Variants in SBF2 observed in about 807,000 individuals in gnomAD.
The protein encoded by SBF2 is SET binding factor 2.
SBF2 carries 112 observed loss-of-function variants against 225.2 expected under a neutral mutation model. The ratio of observed to expected loss-of-function variants is 0.50; its 90% CI spans 0.43 to 0.58. The LOEUF (loss-of-function observed/expected upper bound fraction) is 0.58, where lower values mean the gene tolerates loss of function less well. SBF2 is among the 20% of genes least tolerant of loss of function. SBF2 has a pLI of 0.00. For synonymous variants in SBF2, 763 were observed against 773.3 expected (o/e 0.99, Z 0.22); for missense variants, 1,996 against 2,206.2 (o/e 0.90, Z 1.91).
At chr11:10,235,527 CAA>C (rs797015174) in intron 1 of SBF2, among the ~76,000 whole-genome samples, 15 of 80,550 alleles carry the variant, frequency 1.9e-4, no homozygotes, top group Non-Finnish European at 1.8e-4. Context: ...GACTCCATCT[CAA>C]AAAAAAAAAA....
intron 16 of SBF2, among the ~76,000 whole-genome samples, chr11:9,918,372 A>G (rs1415217620): frequency 6.6e-6 from 1 of 151,288 alleles, no homozygotes; most frequent in East Asian, 1.9e-4. Flanking sequence ...CTTTTTTTTG[A>G]GACAGGGTCT....
At chr11:9,798,876 T>C (rs943284055) in intron 32 of SBF2, among the ~76,000 whole-genome samples, 6 of 144,608 alleles carry the variant, frequency 4.1e-5, no homozygotes, top group African/African-American at 1.3e-4. Flanking sequence ...GGCATGAAAC[T>C]GGGAGGCGGA....
intron 9 of SBF2, among the ~76,000 whole-genome samples, chr11:9,997,926 C>T (rs1210931630): frequency 2.0e-5 from 3 of 152,124 alleles, no homozygotes; most frequent in Admixed American, 1.3e-4. Context: ...AGAAGAGAAG[C>T]CAACATCTAA....
At chr11:9,992,605 C>T in intron 11 of SBF2, 62 bp from the exon 12 acceptor site, 1 of 1,496,434 alleles carries the variant, frequency 6.7e-7, no homozygotes, top group Non-Finnish European at 9.1e-7. Flanking sequence ...ATGGTCAAAA[C>T]AGAAATACAA....
intron 1 of SBF2, among the ~76,000 whole-genome samples, chr11:10,300,470 A>C (rs931879373): frequency 6.6e-6 from 1 of 151,994 alleles, no homozygotes; most frequent in Non-Finnish European, 1.5e-5. Context: ...GTTCAAGACC[A>C]GCGTGGGCAA....
intron 38 of SBF2, 36 bp from the exon 39 acceptor site, chr11:9,781,674 CAGAA>C (rs1564846823): frequency 1.2e-6 from 2 of 1,613,674 alleles, no homozygotes; most frequent in African/African-American, 1.3e-5. Context: ...ATATAAGAGA[CAGAA>C]AGAGAAAATG....
intron 1 of SBF2, among the ~76,000 whole-genome samples, chr11:10,280,866 G>C (rs1440527285): frequency 1.3e-5 from 2 of 152,108 alleles, no homozygotes; most frequent in Non-Finnish European, 2.9e-5. Context: ...AGCCTTCACT[G>C]GTTTCTCCTT....
chr11:10,283,502 C>T (rs186156350), intron 1 of SBF2, among the ~76,000 whole-genome samples: 258 of 151,644 alleles, frequency 1.7e-3, no homozygotes, highest in African/African-American at 6.0e-3. Context: ...GTCGAATGTT[C>T]TCTAACATAC....
chr11:10,074,037 G>A (rs1206773194), intron 2 of SBF2, among the ~76,000 whole-genome samples: 1 of 152,142 alleles, frequency 6.6e-6, no homozygotes, highest in African/African-American at 2.4e-5. Flanking sequence ...AAAATAAATG[G>A]ATGTAGACAA....
intron 17 of SBF2, among the ~76,000 whole-genome samples, chr11:9,862,180 C>G (rs537803716): frequency 6.6e-6 from 1 of 152,304 alleles, no homozygotes; most frequent in South Asian, 2.1e-4. Flanking sequence ...AAATATTATT[C>G]TTTTTCTAGA....
At chr11:9,808,227 G>A in intron 31 of SBF2, 42 bp from the exon 32 acceptor site, 1 of 1,543,244 alleles carries the variant, frequency 6.5e-7, no homozygotes, top group Non-Finnish European at 8.9e-7. Flanking sequence ...TTTTAGTTCT[G>A]AAAAAGGCCT....
chr11:9,989,551 G>C lies in SBF2; in HGVS notation c.1341C>G (p.Asn447Lys), dbSNP rs764407015. ...TGACATGCTTTATCATCTTCACTGG[G>C]TTATTTTCTTCAACTTTAATTCTCT... is the stretch of plus-strand genomic sequence containing the variant. The part of the protein sequence containing the change: ...EVERIKVEEN[N>K]PVKMIKHVRE... Residue 447 changes from asparagine to lysine, a missense_variant, in exon 13 of 40, where the codon AAC becomes AAG. Asn to Lys is a moderately conservative substitution (Grantham distance 94). Coordinates refer to ENST00000256190, the MANE Select transcript of SBF2 (RefSeq NM_030962.4). 3 of 1,610,784 alleles carry C rather than the reference G, an allele frequency of 1.9e-6. No individual in the cohort carries two copies. The highest frequency in any genetic ancestry group is 2.5e-6 in the Non-Finnish European group (3 of 1,177,596).
In SBF2 at chr11:10,237,560, T is replaced by C. The variant is rs191207159; in HGVS notation, c.56-43573A>G. Among the ~76,000 whole-genome samples the C allele has an allele frequency of 2.6e-5, 4 of 152,374 alleles. No homozygotes were observed. In the East Asian group the frequency reaches 7.7e-4, roughly 29 times the overall value. On this transcript the variant is annotated intron_variant, in intron 1 of 39. Coordinates refer to ENST00000256190, the MANE Select transcript of SBF2 (RefSeq NM_030962.4). ...TTACTAATACCCCTATCTTGTCTTT[T>C]ACTTCTTTGAAAATATTGAGCAGGA...
rs768023953 is a variant in SBF2, at chr11:10,031,029, A to G, written c.402+19T>C. ...CACACAATAATACAAATTAATAATG[A>G]TAACTATGTGTTCTTTACCCTAAAA... On this transcript the variant is annotated intron_variant, in intron 4 of 39. Transcript: ENST00000256190. 1.3e-6 allele frequency: 2 copies of G among 1,597,774 alleles called. No homozygotes were observed. Among genetic ancestry groups the G allele is most frequent in the South Asian group, 2.2e-5 (2 of 90,522 alleles).
intron 28 of SBF2, among the ~76,000 whole-genome samples, chr11:9,817,399 T>C (rs1239973368): frequency 1.3e-5 from 2 of 152,202 alleles, no homozygotes; most frequent in African/African-American, 4.8e-5. Context: ...TGCTGAGTTA[T>C]GCAATTTCTC....
chr11:9,943,475 T>A (rs1202491105), intron 16 of SBF2, among the ~76,000 whole-genome samples: 3 of 151,948 alleles, frequency 2.0e-5, no homozygotes, highest in Admixed American at 6.6e-5. Context: ...CAGCTGCATG[T>A]ATAAGTATCA....
intron 13 of SBF2, among the ~76,000 whole-genome samples, chr11:9,978,241 T>C (rs897133524): frequency 1.3e-5 from 2 of 152,224 alleles, no homozygotes; most frequent in African/African-American, 4.8e-5. Flanking sequence ...TTTAACTTTA[T>C]AAAGTATTTA....
intron 17 of SBF2, among the ~76,000 whole-genome samples, chr11:9,865,664 C>A (rs1426783996): frequency 8.5e-6 from 1 of 118,278 alleles, no homozygotes; most frequent in Admixed American, 1.2e-4. Flanking sequence ...GCACTCCAGC[C>A]TGGATGACAG....
In SBF2 at chr11:9,832,495, G is replaced by C. The variant is rs544580419; in HGVS notation, c.3456-75C>G. 108 of 1,003,124 alleles carry C rather than the reference G, an allele frequency of 1.1e-4. 1 individual carries two copies. Among genetic ancestry groups the C allele is most frequent in the South Asian group, 1.1e-3 (82 of 76,472 alleles). The allele number at this position is 1,003,124 out of a possible 1,614,324, so 62.1% of individuals were successfully genotyped here. Reference sequence around the variant, plus strand: ...GGGAAGAAAAGGGGAAAGGAAATGAGAGAAGAGGGAGACAGAGAATATAAG... The same window carrying C: ...GGGAAGAAAAGGGGAAAGGAAATGACAGAAGAGGGAGACAGAGAATATAAG... On this transcript the variant is annotated intron_variant, in intron 26 of 39. Transcript: ENST00000256190.
Sources: allele counts gnomAD v4.1 joint callset (sites outside exome capture counted in the v4.1 genomes callset), GRCh38; gene constraint gnomAD v4.1.1; transcripts MANE v1.5; gene names NCBI Gene and HGNC (gene_info 2026-07-23, HGNC 2026-07-21).